Variants in EGFLAM observed in about 807,000 individuals in gnomAD.
The protein encoded by EGFLAM is pikachurin.
Under a neutral mutation model 113.1 loss-of-function variants are expected in EGFLAM, and 79 were observed. The observed-to-expected ratio is 0.70, with a 90% CI of 0.58 to 0.84. The LOEUF (loss-of-function observed/expected upper bound fraction) is 0.84, where lower values mean the gene tolerates loss of function less well. EGFLAM is among the 40% of genes least tolerant of loss of function. EGFLAM has a pLI of 0.00. For synonymous variants in EGFLAM, 504 were observed against 487.6 expected, an observed-to-expected ratio of 1.03 and a Z score of -0.44; for missense variants, 1,265 against 1,291.6, an observed-to-expected ratio of 0.98 and a Z score of 0.32.
intron 6 of EGFLAM, among the ~76,000 whole-genome samples, chr5:38,385,274 AC>A (rs1423167971): frequency 7.1e-4 from 24 of 33,624 alleles, no homozygotes; most frequent in Non-Finnish European, 8.4e-4. Context: ...ACTGTTTCCC[AC>A]CCACCCCCCC....
chr5:38,357,880 T>TTGA (rs1739804548), intron 5 of EGFLAM, among the ~76,000 whole-genome samples: 1 of 150,752 alleles, frequency 6.6e-6, no homozygotes, highest in African/African-American at 2.4e-5. Flanking sequence ...TTTTTTTTTT[T>TTGA]GATATTGAGT....
intron 17 of EGFLAM, chr5:38,445,521 T>G: frequency 6.5e-7 from 1 of 1,547,698 alleles, no homozygotes; most frequent in Non-Finnish European, 8.7e-7. Context: ...GCGGGGCTCA[T>G]ATTCACATTC....
chr5:38,315,617 C>T (rs1234402439), intron 1 of EGFLAM, among the ~76,000 whole-genome samples: 1 of 152,138 alleles, frequency 6.6e-6, no homozygotes, highest in Non-Finnish European at 1.5e-5. Flanking sequence ...CAAGAGAGAG[C>T]ACTAAAGAGC....
chr5:38,418,997 G>A (rs986003867), intron 12 of EGFLAM, among the ~76,000 whole-genome samples: 1 of 152,164 alleles, frequency 6.6e-6, no homozygotes, highest in African/African-American at 2.4e-5. Flanking sequence ...TCTGGAGGCT[G>A]GAAGTCCCAG....
At chr5:38,428,141 G>A (rs564993974) in intron 14 of EGFLAM, among the ~76,000 whole-genome samples, 2 of 152,272 alleles carry the variant, frequency 1.3e-5, no homozygotes, top group Admixed American at 1.3e-4. Context: ...TTTGCTCCAT[G>A]GTGCCCTGTA....
intron 1 of EGFLAM, among the ~76,000 whole-genome samples, chr5:38,284,563 G>T (rs1436770390): frequency 6.6e-6 from 1 of 152,222 alleles, no homozygotes; most frequent in Non-Finnish European, 1.5e-5. Flanking sequence ...CAAGCCTTCA[G>T]ATAGGGAGCT....
chr5:38,297,993 G>A (rs1758485960), intron 1 of EGFLAM, among the ~76,000 whole-genome samples: 1 of 152,208 alleles, frequency 6.6e-6, no homozygotes, highest in Non-Finnish European at 1.5e-5. Context: ...GTGTCCTTGA[G>A]CCAAAATTCA....
chr5:38,433,365 A>G (rs1742246071), intron 15 of EGFLAM, among the ~76,000 whole-genome samples: 1 of 152,232 alleles, frequency 6.6e-6, no homozygotes, highest in Admixed American at 6.5e-5. Context: ...TGAGGCTTTC[A>G]GGAAACTCCA....
chr5:38,404,096 G>A (rs947162647), intron 6 of EGFLAM, among the ~76,000 whole-genome samples: 6 of 152,012 alleles, frequency 3.9e-5, no homozygotes, highest in African/African-American at 1.2e-4. Context: ...CACTTCTCTC[G>A]TCTGGTCTGG....
At chr5:38,439,877 T>G (rs948884262) in intron 17 of EGFLAM, among the ~76,000 whole-genome samples, 7 of 152,248 alleles carry the variant, frequency 4.6e-5, no homozygotes, top group Non-Finnish European at 8.8e-5. Context: ...GCATCCAATT[T>G]GTGCTTGCCG....
intron 6 of EGFLAM, among the ~76,000 whole-genome samples, chr5:38,389,307 A>G (rs970987089): frequency 2.6e-5 from 4 of 152,206 alleles, no homozygotes; most frequent in Non-Finnish European, 4.4e-5. Context: ...TCTGTTGAAT[A>G]CCAGAGTTTT....
chr5:38,264,440 A>G (rs1757581773), intron 1 of EGFLAM, among the ~76,000 whole-genome samples: 1 of 152,158 alleles, frequency 6.6e-6, no homozygotes, highest in South Asian at 2.1e-4. Flanking sequence ...GCTGGAAGAG[A>G]AGGGTTAGCT....
intron 17 of EGFLAM, among the ~76,000 whole-genome samples, chr5:38,441,471 C>T (rs1174981545): frequency 2.0e-5 from 3 of 151,808 alleles, no homozygotes. Flanking sequence ...ATCCAGTGGA[C>T]CCATCCTGTG....
At chr5:38,397,211 C>T (rs910152861) in intron 6 of EGFLAM, among the ~76,000 whole-genome samples, 1 of 152,144 alleles carries the variant, frequency 6.6e-6, no homozygotes, top group Non-Finnish European at 1.5e-5. Context: ...GCTACTTTTC[C>T]CCACCAGTCA....
intron 19 of EGFLAM, among the ~76,000 whole-genome samples, chr5:38,455,030 A>C (rs1188608877): frequency 6.6e-6 from 1 of 152,072 alleles, no homozygotes; most frequent in Admixed American, 6.6e-5. Flanking sequence ...GGGGCATAAA[A>C]CCTACCACCG....
intron 6 of EGFLAM, among the ~76,000 whole-genome samples, chr5:38,373,824 G>GAGAA (rs1740293381): frequency 2.6e-5 from 4 of 152,074 alleles, no homozygotes; most frequent in Admixed American, 2.6e-4. Flanking sequence ...TTAGTTCTTT[G>GAGAA]AGAAGTCTCC....
intron 1 of EGFLAM, among the ~76,000 whole-genome samples, chr5:38,324,013 G>A (rs1350600703): frequency 4.8e-5 from 7 of 144,576 alleles, no homozygotes; most frequent in African/African-American, 1.8e-4. Context: ...CTACTCTAGC[G>A]TGCATGACAG....
intron 17 of EGFLAM, among the ~76,000 whole-genome samples, chr5:38,446,912 C>T (rs1742732013): frequency 6.6e-6 from 1 of 152,136 alleles, no homozygotes; most frequent in Non-Finnish European, 1.5e-5. Context: ...TCTACATTTC[C>T]TCTCTGGGGT....
At chr5:38,385,614 T>C (rs1740640095) in intron 6 of EGFLAM, among the ~76,000 whole-genome samples, 1 of 152,140 alleles carries the variant, frequency 6.6e-6, no homozygotes, top group African/African-American at 2.4e-5. Flanking sequence ...GAGGGTCAAT[T>C]GTATAGAAGT....
Sources: allele counts gnomAD v4.1 joint callset (sites outside exome capture counted in the v4.1 genomes callset), GRCh38; gene constraint gnomAD v4.1.1; transcripts MANE v1.5; gene names NCBI Gene and HGNC (gene_info 2026-07-23, HGNC 2026-07-21).